Variants in NDUFS4 observed in about 807,000 individuals in gnomAD.
NDUFS4 encodes NADH dehydrogenase [ubiquinone] iron-sulfur protein 4, mitochondrial.
Under a neutral mutation model 24.3 loss-of-function variants are expected in NDUFS4, and 28 were observed. That is an observed-to-expected ratio of 1.15 (90% CI 0.85 to 1.58). The LOEUF (loss-of-function observed/expected upper bound fraction) is 1.58, where lower values mean the gene tolerates loss of function less well. Ranked by LOEUF, NDUFS4 falls within the 40% of genes most tolerant of loss-of-function variation. The pLI is 0.00. For synonymous variants in NDUFS4, 93 were observed against 69.7 expected (o/e 1.34, Z -1.67); for missense variants, 223 against 207.9 (o/e 1.07, Z -0.45).
intron 2 of NDUFS4, among the ~76,000 whole-genome samples, chr5:53,612,064 A>G (rs1329551180): frequency 6.6e-6 from 1 of 152,098 alleles, no homozygotes; most frequent in Admixed American, 6.6e-5. Flanking sequence ...AAGAAAATAG[A>G]AAAATACCCT....
intron 2 of NDUFS4, among the ~76,000 whole-genome samples, chr5:53,616,171 CTT>C (rs1424655760): frequency 2.6e-5 from 4 of 151,480 alleles, no homozygotes; most frequent in African/African-American, 9.7e-5. Context: ...TTACTTGTCT[CTT>C]ATTTATAATG....
chr5:53,576,873 T>C (rs1749404589), intron 1 of NDUFS4, among the ~76,000 whole-genome samples: 1 of 152,208 alleles, frequency 6.6e-6, no homozygotes, highest in African/African-American at 2.4e-5. Context: ...TCAACAAATA[T>C]TTGTATTTCT....
At position 53,665,767 on chromosome 5, in the gene NDUFS4, C is replaced by T. The variant is rs566605761; in HGVS notation, c.424+7143C>T. Among the ~76,000 whole-genome samples, 13 of 152,360 alleles carry T rather than the reference C, an allele frequency of 8.5e-5. 1 individual carries two copies. Among genetic ancestry groups the T allele is most frequent in the South Asian group, 8.3e-4 (4 of 4,832 alleles). On this transcript the variant is annotated intron_variant, in intron 4 of 4. Coordinates refer to ENST00000296684, the MANE Select transcript of NDUFS4 (RefSeq NM_002495.4). The stretch of plus-strand genomic sequence containing the variant: ...GGAAAGGGAATTCCCTGACCCCTTG[C>T]GCTTCCTGGGTGAGGCGATGCCTCG...
At chr5:53,617,739 A>T (rs1312862367) in intron 2 of NDUFS4, among the ~76,000 whole-genome samples, 1 of 152,198 alleles carries the variant, frequency 6.6e-6, no homozygotes, top group Non-Finnish European at 1.5e-5. Flanking sequence ...TTTTAGAAAC[A>T]TTTAATAACT....
In NDUFS4 at chr5:53,560,648, T is replaced by TCC. The variant is rs1468984376; in HGVS notation, c.-15_-14insCC. On this transcript the variant is annotated 5_prime_UTR_variant, in exon 1 of 5. Coordinates refer to ENST00000296684, the MANE Select transcript of NDUFS4 (RefSeq NM_002495.4). ...GGTGATCCGTCCTTTCATCCTGGCG[T>TCC]TTGCCTGCAGCAAGATGGCGGCGGT... The TCC allele has an allele frequency of 6.8e-6, 11 of 1,614,114 alleles. No individual in the cohort carries two copies.
chr5:53,592,584 C>T (rs938377077), intron 1 of NDUFS4, among the ~76,000 whole-genome samples: 1 of 152,142 alleles, frequency 6.6e-6, no homozygotes, highest in South Asian at 2.1e-4. Context: ...GGTGTAATGT[C>T]ACTGTGTAGA....
intron 2 of NDUFS4, among the ~76,000 whole-genome samples, chr5:53,610,124 C>T (rs1207885213): frequency 6.6e-6 from 1 of 152,166 alleles, no homozygotes; most frequent in Non-Finnish European, 1.5e-5. Flanking sequence ...ATGCCTTCTT[C>T]ACCTAGCTTA....
intron 2 of NDUFS4, among the ~76,000 whole-genome samples, chr5:53,635,558 AGTATT>A (rs1751527644): frequency 6.6e-6 from 1 of 152,146 alleles, no homozygotes; most frequent in African/African-American, 2.4e-5. Flanking sequence ...AGAATCCTGA[AGTATT>A]GGGTTAAAAA....
intron 4 of NDUFS4, among the ~76,000 whole-genome samples, chr5:53,669,761 A>G (rs77327270): frequency 0.016 from 2,386 of 152,306 alleles, 28 homozygotes; most frequent in Non-Finnish European, 0.024. Flanking sequence ...AGAATTTACC[A>G]GGGAAGACAA....
intron 1 of NDUFS4, among the ~76,000 whole-genome samples, chr5:53,579,412 C>T (rs913950188): frequency 2.0e-5 from 3 of 152,140 alleles, no homozygotes; most frequent in African/African-American, 7.2e-5. Flanking sequence ...TGTATATTCT[C>T]TGTGAGGCTG....
chr5:53,636,604 A>G (rs1201951996), intron 2 of NDUFS4, among the ~76,000 whole-genome samples: 1 of 152,176 alleles, frequency 6.6e-6, no homozygotes, highest in Admixed American at 6.5e-5. Flanking sequence ...TTTGTTTGCA[A>G]AACAAGTTTA....
At chr5:53,603,334 TCC>T (rs376119394) in intron 1 of NDUFS4, 116 bp from the exon 2 acceptor site, 37 of 687,860 alleles carry the variant, frequency 5.4e-5, no homozygotes, top group Non-Finnish European at 8.0e-5. Context: ...TTCTTTCCTT[TCC>T]TTTTTTTTTT....
intron 3 of NDUFS4, among the ~76,000 whole-genome samples, chr5:53,653,309 A>G (rs946509558): frequency 2.0e-5 from 3 of 152,210 alleles, no homozygotes; most frequent in African/African-American, 4.8e-5. Context: ...CTTGATCCTC[A>G]AGCCTTAAGT....
At chr5:53,629,764 T>A (rs965819053) in intron 2 of NDUFS4, among the ~76,000 whole-genome samples, 1 of 152,204 alleles carries the variant, frequency 6.6e-6, no homozygotes, top group Non-Finnish European at 1.5e-5. Context: ...ATTTTGAGCC[T>A]ATGCATGTCT....
intron 4 of NDUFS4, among the ~76,000 whole-genome samples, chr5:53,666,940 T>TAATA (rs1183504179): frequency 2.6e-5 from 4 of 151,706 alleles, no homozygotes; most frequent in Non-Finnish European, 2.9e-5. Flanking sequence ...TCTCAAAAAA[T>TAATA]AATAAATAAA....
intron 1 of NDUFS4, among the ~76,000 whole-genome samples, chr5:53,584,542 G>C (rs1227271571): frequency 6.6e-6 from 1 of 152,000 alleles, no homozygotes; most frequent in Non-Finnish European, 1.5e-5. Flanking sequence ...GTTACACCTT[G>C]TTGGCCAGGC....
chr5:53,570,277 T>C (rs780601636), intron 1 of NDUFS4, among the ~76,000 whole-genome samples: 1 of 152,208 alleles, frequency 6.6e-6, no homozygotes, highest in Non-Finnish European at 1.5e-5. Flanking sequence ...AATGTAGTCA[T>C]ATATAACCTT....
chr5:53,572,265 A>G (rs116423138), intron 1 of NDUFS4, among the ~76,000 whole-genome samples: 2 of 152,278 alleles, frequency 1.3e-5, no homozygotes, highest in Non-Finnish European at 2.9e-5. Flanking sequence ...TCTTTCTGAT[A>G]TAGGGAAGAC....
At chr5:53,668,427 A>C (rs1313175668) in intron 4 of NDUFS4, among the ~76,000 whole-genome samples, 1 of 152,028 alleles carries the variant, frequency 6.6e-6, no homozygotes, top group Non-Finnish European at 1.5e-5. Flanking sequence ...TAAGATTTTC[A>C]GATTCAGTTG....
Sources: allele counts gnomAD v4.1 joint callset (sites outside exome capture counted in the v4.1 genomes callset), GRCh38; gene constraint gnomAD v4.1.1; transcripts MANE v1.5; gene names NCBI Gene and HGNC (gene_info 2026-07-23, HGNC 2026-07-21).